Variants in PAH observed in about 807,000 individuals in gnomAD.
PAH encodes phenylalanine hydroxylase.
Under a neutral mutation model 62.0 loss-of-function variants are expected in PAH, and 64 were observed. The ratio of observed to expected loss-of-function variants is 1.03; its 90% confidence interval spans 0.84 to 1.27. The LOEUF (loss-of-function observed/expected upper bound fraction) is 1.27, where lower values mean the gene tolerates loss of function less well. Ranked by LOEUF, PAH falls within the 50% of genes most tolerant of loss-of-function variation. The pLI, the probability that PAH is intolerant of heterozygous loss-of-function variation, is 0.00. For synonymous variants in PAH, 195 were observed against 196.2 expected, an observed-to-expected ratio of 0.99 and a Z score of 0.05; for missense variants, 579 against 542.8, an observed-to-expected ratio of 1.07 and a Z score of -0.66.
At chr12:102,859,765 A>G (rs762995900) in intron 5 of PAH, among the ~76,000 whole-genome samples, 70 of 152,248 alleles carry the variant, frequency 4.6e-4, no homozygotes, top group Non-Finnish European at 9.0e-4. Flanking sequence ...CTTTGACAAA[A>G]TTCAACAGCC....
chr12:102,956,481 C>A (rs1013841792), intron 1 of PAH, among the ~76,000 whole-genome samples: 1 of 151,716 alleles, frequency 6.6e-6, no homozygotes, highest in Non-Finnish European at 1.5e-5. Flanking sequence ...CCGCCGGGCT[C>A]CGCTCCCAGT....
intron 1 of PAH, among the ~76,000 whole-genome samples, chr12:102,949,940 A>T (rs1004225594): frequency 1.3e-5 from 2 of 152,210 alleles, no homozygotes; most frequent in African/African-American, 4.8e-5. Context: ...CCCTCTGATT[A>T]GGTTTCATAG....
At chr12:102,943,110 A>G (rs1879350705) in intron 1 of PAH, among the ~76,000 whole-genome samples, 1 of 152,148 alleles carries the variant, frequency 6.6e-6, no homozygotes, top group South Asian at 2.1e-4. Context: ...GCACAGCAAA[A>G]TAAAGTATCA....
At chr12:102,848,559 G>C (rs12099870) in intron 8 of PAH, among the ~76,000 whole-genome samples, 2 of 149,796 alleles carry the variant, frequency 1.3e-5, no homozygotes, top group South Asian at 2.1e-4. Context: ...GACACCAGGA[G>C]ACTGGAGAGG....
At chr12:102,875,089 G>A (rs1262613437) in intron 4 of PAH, among the ~76,000 whole-genome samples, 2 of 152,222 alleles carry the variant, frequency 1.3e-5, no homozygotes, top group Admixed American at 1.3e-4. Context: ...GGTTTGTTTT[G>A]TCCTTGGCCC....
intron 2 of PAH, 119 bp downstream of exon 2, chr12:102,912,672 G>A: frequency 1.3e-6 from 1 of 759,226 alleles, no homozygotes; most frequent in Non-Finnish European, 2.3e-6. Context: ...GTAAAAACTT[G>A]AGCTCAAATT....
At chr12:102,882,964 AAGG>A (rs978793526) in intron 3 of PAH, among the ~76,000 whole-genome samples, 6 of 152,120 alleles carry the variant, frequency 3.9e-5, no homozygotes, top group African/African-American at 1.4e-4. Flanking sequence ...ATGATGATTA[AAGG>A]AGGAGGAGGA....
At chr12:102,849,358 T>C (rs1286004607) in intron 8 of PAH, among the ~76,000 whole-genome samples, 4 of 152,174 alleles carry the variant, frequency 2.6e-5, no homozygotes, top group Non-Finnish European at 5.9e-5. Flanking sequence ...AGATGTCTTA[T>C]AGACATCCAA....
At chr12:102,875,789 G>C (rs371171091) in intron 4 of PAH, among the ~76,000 whole-genome samples, 42 of 152,194 alleles carry the variant, frequency 2.8e-4, no homozygotes, top group South Asian at 2.1e-4. Context: ...ATTCAAGGCA[G>C]CCATTGGAAG....
intron 3 of PAH, among the ~76,000 whole-genome samples, chr12:102,890,245 T>G (rs1183514324): frequency 6.6e-6 from 1 of 152,220 alleles, no homozygotes; most frequent in Non-Finnish European, 1.5e-5. Context: ...GAACCTGCTG[T>G]CAGACTCGCC....
At chr12:102,906,841 G>T (rs1877997654) in intron 2 of PAH, among the ~76,000 whole-genome samples, 1 of 152,174 alleles carries the variant, frequency 6.6e-6, no homozygotes, top group African/African-American at 2.4e-5. Context: ...CATCCTCTTG[G>T]CCACTCCATT....
At chr12:102,951,059 G>C (rs746198219), upstream of PAH, among the ~76,000 whole-genome samples, 3 of 56,512 alleles carry the variant, frequency 5.3e-5, no homozygotes, top group East Asian at 6.0e-4. Flanking sequence ...GTTTGTGCGT[G>C]GGGGGGGAAG....
At chr12:102,844,031 C>T (rs369980806) in intron 10 of PAH, among the ~76,000 whole-genome samples, 24 of 152,162 alleles carry the variant, frequency 1.6e-4, no homozygotes, top group African/African-American at 5.1e-4. Context: ...CAATAGATGA[C>T]GTGGGAGCCA....
rs1291253532 is a variant in PAH, at chr12:102,843,775, C to T, written c.1070G>A (p.Cys357Tyr). Residue 357 changes from cysteine (C) to tyrosine (Y), a missense_variant, in exon 11 of 13, where the codon TGC (cysteine) becomes TAC (tyrosine). Transcript: ENST00000553106. ...LLSSFGELQY[C>Y]LSEKPKLLPL... is the part of the protein sequence containing the mutation. ...GAGAAGCTTTGGCTTCTCTGATAAG[C>T]AGTACTGTAGGCCCCAAGTGAAAAG... 1 of 1,613,660 alleles carries T rather than the reference C, an allele frequency of 6.2e-7. No individual in the cohort carries two copies. The highest frequency in any genetic ancestry group is 8.5e-7 in the Non-Finnish European group (1 of 1,179,778).
chr12:102,935,467 T>C lies in PAH; in HGVS notation c.-96+15122A>G, dbSNP rs1879068026. 3.3e-5 allele frequency among the ~76,000 whole-genome samples: 5 copies of C among 152,138 alleles called. No homozygotes were observed. In the South Asian group the frequency reaches 8.3e-4, roughly 25 times the overall value. ...TTTGTCAGAATAGTTTGAGTAGTAT[T>C]GGTATTATCTCTTCTTTAAATGTTT... On this transcript the variant is annotated intron_variant, in intron 1 of 3. Transcript: ENST00000546844.
At position 102,852,063 on chromosome 12, in the gene PAH, T is replaced by A. The variant is rs934003141; in HGVS notation, c.843-307A>T. ...ATATTCCTGTGGACATGCTCCCATA[T>A]ACCTAAGTGAGCTATGAGTCATGAA... is the stretch of plus-strand genomic sequence containing the variant. On this transcript the variant is annotated intron_variant, in intron 7 of 12. Coordinates refer to ENST00000553106, the MANE Select transcript of PAH (RefSeq NM_000277.3). 9 of 379,692 alleles carry A rather than the reference T, an allele frequency of 2.4e-5. No individual in the cohort carries two copies. The Admixed American group carries it at 3.5e-4, about 15-fold the overall frequency. The allele number at this position is 379,692 out of a possible 1,614,324, so 23.5% of individuals were successfully genotyped here. A position where few individuals can be genotyped will look rare whatever the true frequency, so the allele number is the denominator to read the frequency against.
At chr12:102,958,382 A>C, upstream of PAH, 2 of 1,470,864 alleles carry the variant, frequency 1.4e-6, no homozygotes, top group Non-Finnish European at 1.8e-6. Context: ...CCGCAGCGGC[A>C]GCGCAGAGCG....
At chr12:102,899,139 G>T (rs1488444172) in intron 2 of PAH, among the ~76,000 whole-genome samples, 1 of 152,098 alleles carries the variant, frequency 6.6e-6, no homozygotes, top group Non-Finnish European at 1.5e-5. Flanking sequence ...AAAGAGAATG[G>T]GTAGGTTCCA....
At chr12:102,942,364 G>C (rs1879326034) in intron 1 of PAH, among the ~76,000 whole-genome samples, 1 of 152,080 alleles carries the variant, frequency 6.6e-6, no homozygotes, top group African/African-American at 2.4e-5. Context: ...GCTAACCAGG[G>C]AGGTGAAAGA....
Sources: gnomAD v4.1 joint callset for allele counts (sites outside exome capture counted in the v4.1 genomes callset) on GRCh38, gnomAD v4.1.1 for gene constraint, MANE v1.5 for transcripts, NCBI Gene and HGNC (gene_info 2026-07-23, HGNC 2026-07-21) for gene names.